The following SLC7A14 variants were observed in gnomAD, a reference collection of about 807,000 sequenced individuals.
SLC7A14 encodes gamma-aminobutyric acid transporter SLC7A14.
SLC7A14 carries 37 observed loss-of-function variants against 60.2 expected under a neutral mutation model. The observed-to-expected ratio is 0.61, with a 90% confidence interval of 0.47 to 0.81. The LOEUF is 0.81. Ranked by LOEUF, SLC7A14 falls within the 30% of genes least tolerant of loss-of-function variation. The probability of loss-of-function intolerance (pLI) is 0.00; values close to 1 mark genes in which losing one functional copy is unlikely to be tolerated. For missense variants in SLC7A14, 886 were observed against 982.7 expected (o/e 0.90, Z 1.32); for synonymous variants, 399 against 395.8 (o/e 1.01, Z -0.10).
intron 2 of SLC7A14, among the ~76,000 whole-genome samples, chr3:170,525,442 T>C (rs1560269246): frequency 6.6e-6 from 1 of 152,196 alleles, no homozygotes; most frequent in Admixed American, 6.5e-5. Context: ...GGACTATAAA[T>C]CTGTGGAGGT....
intron 1 of SLC7A14, among the ~76,000 whole-genome samples, chr3:170,567,851 G>A (rs1714837470): frequency 6.6e-6 from 1 of 150,672 alleles, no homozygotes; most frequent in African/African-American, 2.5e-5. Flanking sequence ...CTTTTTGATG[G>A]GGTTGTTTTT....
rs1367593419 is a variant in SLC7A14 at position 170,498,713 on chromosome 3, C to T, written c.713G>A (p.Gly238Glu). The change falls in exon 4 of 8, where the codon GGG becomes GAG. Residue 238 changes from glycine (G) to glutamate (E), a missense_variant. By Grantham distance (98) the Gly-to-Glu change is moderately conservative. Transcript: ENST00000231706. ...IMIAGLFFIN[G>E]KYWAEGQFLP... ...GAACTGGCCCTCCGCCCAGTATTTCCCATTGATGAAGAAGAGGCCTGCGAT... is the reference window on the plus strand; with the variant it reads ...GAACTGGCCCTCCGCCCAGTATTTCTCATTGATGAAGAAGAGGCCTGCGAT... 3.1e-6 allele frequency: 5 copies of T among 1,614,108 alleles called. No homozygotes were observed. In the East Asian group the frequency reaches 8.9e-5, roughly 29 times the overall value.
intron 7 of SLC7A14, among the ~76,000 whole-genome samples, chr3:170,470,414 G>A (rs1458189457): frequency 6.6e-6 from 1 of 151,642 alleles, no homozygotes; most frequent in Non-Finnish European, 1.5e-5. Flanking sequence ...GACAATCCAT[G>A]GAAACTTGCC....
At chr3:170,518,278 T>G (rs925413479) in intron 2 of SLC7A14, among the ~76,000 whole-genome samples, 2 of 152,184 alleles carry the variant, frequency 1.3e-5, no homozygotes, top group African/African-American at 4.8e-5. Context: ...TCGCTAGAGT[T>G]TTCTGATTCT....
intron 1 of SLC7A14, among the ~76,000 whole-genome samples, chr3:170,558,859 T>G (rs1714559721): frequency 6.6e-6 from 1 of 152,212 alleles, no homozygotes; most frequent in African/African-American, 2.4e-5. Context: ...AGCTTCTGCT[T>G]ACACCTAAGC....
chr3:170,582,476 C>G (rs1715263733), intron 1 of SLC7A14, among the ~76,000 whole-genome samples: 1 of 152,084 alleles, frequency 6.6e-6, no homozygotes, highest in Non-Finnish European at 1.5e-5. Context: ...TTACATGTGG[C>G]TAGCAACTAC....
intron 1 of SLC7A14, among the ~76,000 whole-genome samples, chr3:170,549,360 G>T (rs1034058955): frequency 6.6e-6 from 1 of 151,936 alleles, no homozygotes. Flanking sequence ...GACTACAGGC[G>T]CGCACCACCA....
chr3:170,480,169 T>C (rs775654777), intron 7 of SLC7A14, 120 bp downstream of exon 7: 6 of 1,083,936 alleles, frequency 5.5e-6, no homozygotes, highest in Admixed American at 2.8e-5. Context: ...CAAGGGTCCA[T>C]AGAACCAGCC....
Position 170,557,039 on chromosome 3 carries a change from G to T in SLC7A14, c.-153+28872C>A, listed in dbSNP as rs1714504005. 1.3e-5 allele frequency among the ~76,000 whole-genome samples: 2 copies of T among 152,164 alleles called. 1 individual carries two copies. The highest frequency in any genetic ancestry group is 4.1e-4 in the South Asian group (2 of 4,828). On this transcript the variant is annotated intron_variant, in intron 1 of 7. Coordinates refer to ENST00000231706, the MANE Select transcript of SLC7A14 (RefSeq NM_020949.3). ...TCTTTTCTCTTGCACCCATTTCTCA[G>T]TCCTAATCAGTCAGAGGGCAGATCA...
At chr3:170,510,747 G>A (rs1027857342) in intron 2 of SLC7A14, among the ~76,000 whole-genome samples, 3 of 152,158 alleles carry the variant, frequency 2.0e-5, no homozygotes, top group African/African-American at 7.2e-5. Flanking sequence ...AGCGGCAAGT[G>A]GGCTGGAACT....
At chr3:170,521,185 TG>T (rs1713330412) in intron 2 of SLC7A14, among the ~76,000 whole-genome samples, 1 of 152,222 alleles carries the variant, frequency 6.6e-6, no homozygotes, top group African/African-American at 2.4e-5. Flanking sequence ...ATTATAACGT[TG>T]GGGCAGGACT....
At chr3:170,544,237 G>A (rs1714104660) in intron 1 of SLC7A14, among the ~76,000 whole-genome samples, 2 of 152,064 alleles carry the variant, frequency 1.3e-5, no homozygotes, top group Middle Eastern at 3.4e-3. Flanking sequence ...CAAATAAAAA[G>A]GGGTGAACTC....
intron 2 of SLC7A14, among the ~76,000 whole-genome samples, chr3:170,510,995 G>A (rs187398243): frequency 9.9e-5 from 15 of 152,174 alleles, no homozygotes; most frequent in African/African-American, 3.1e-4. Context: ...GTGAGGTGTC[G>A]TAGAATTCAC....
intron 6 of SLC7A14, among the ~76,000 whole-genome samples, chr3:170,481,678 G>A (rs965894775): frequency 1.3e-5 from 2 of 152,172 alleles, no homozygotes; most frequent in African/African-American, 2.4e-5. Flanking sequence ...GGGATTATAG[G>A]TGTGAGCCAC....
At chr3:170,480,201 T>C (rs1711762615) in intron 7 of SLC7A14, 88 bp downstream of exon 7, 1 of 1,360,988 alleles carries the variant, frequency 7.3e-7, no homozygotes, top group Non-Finnish European at 9.8e-7. Flanking sequence ...GGAACGGAGT[T>C]GCCTAGTCCA....
chr3:170,580,016 G>A (rs1467619550), intron 1 of SLC7A14, among the ~76,000 whole-genome samples: 1 of 152,172 alleles, frequency 6.6e-6, no homozygotes, highest in South Asian at 2.1e-4. Context: ...GGTTATTAGG[G>A]TAAGATTTGA....
intron 4 of SLC7A14, chr3:170,495,837 C>G (rs774647505): frequency 2.3e-5 from 26 of 1,140,862 alleles, no homozygotes; most frequent in Non-Finnish European, 3.3e-5. Context: ...GAAGATGGCT[C>G]GGATCAACGT....
intron 1 of SLC7A14, among the ~76,000 whole-genome samples, chr3:170,539,403 T>G (rs1713944129): frequency 6.6e-6 from 1 of 152,240 alleles, no homozygotes; most frequent in Non-Finnish European, 1.5e-5. Context: ...TCTTGTACTC[T>G]TTTCCTCATT....
At chr3:170,538,413 T>C (rs1713912872) in intron 1 of SLC7A14, among the ~76,000 whole-genome samples, 1 of 152,228 alleles carries the variant, frequency 6.6e-6, no homozygotes, top group African/African-American at 2.4e-5. Flanking sequence ...GAAATTTCTG[T>C]TTTTAAAAGA....
Sources: allele counts gnomAD v4.1 joint callset (sites outside exome capture counted in the v4.1 genomes callset), GRCh38; gene constraint gnomAD v4.1.1; transcripts MANE v1.5; gene names NCBI Gene and HGNC (gene_info 2026-07-23, HGNC 2026-07-21).